GPC6: variants seen among roughly 807,000 people sequenced by gnomAD.
GPC6 encodes glypican 6.
In GPC6, 14 loss-of-function variants were observed where a neutral mutation model predicts 55.2. That is an observed-to-expected ratio of 0.25 (90% CI 0.17 to 0.40). The LOEUF (loss-of-function observed/expected upper bound fraction) is 0.40, where lower values mean the gene tolerates loss of function less well. GPC6 is among the 10% of genes least tolerant of loss of function. The pLI is 1.00. For missense variants in GPC6, 641 were observed against 708.5 expected, an observed-to-expected ratio of 0.90 and a Z score of 1.08; for synonymous variants, 278 against 259.6, an observed-to-expected ratio of 1.07 and a Z score of -0.68.
chr13:94,211,082 G>A (rs569077523), intron 4 of GPC6, among the ~76,000 whole-genome samples: 1 of 152,248 alleles, frequency 6.6e-6, no homozygotes, highest in African/African-American at 2.4e-5. Flanking sequence ...TACCACTGAT[G>A]TTCAACTTTC....
chr13:93,984,657 G>A (rs1880947408), intron 3 of GPC6, among the ~76,000 whole-genome samples: 1 of 152,120 alleles, frequency 6.6e-6, no homozygotes. Context: ...TTTCATTTTT[G>A]TTAAAGAATC....
At chr13:94,171,066 T>G (rs979442027) in intron 4 of GPC6, among the ~76,000 whole-genome samples, 3 of 152,224 alleles carry the variant, frequency 2.0e-5, no homozygotes, top group Non-Finnish European at 4.4e-5. Flanking sequence ...TTTCATTGTC[T>G]TTGATTCTTT....
In GPC6 at chr13:93,428,727, T is replaced by G. The variant is rs536112344; in HGVS notation, c.161-116536T>G. ...CTTCTGAGATGCCCAAGGAATCTTATGGAGAGAGGAATGTTATCAGGTGTT... is the reference window on the plus strand; with the variant it reads ...CTTCTGAGATGCCCAAGGAATCTTAGGGAGAGAGGAATGTTATCAGGTGTT... On this transcript the variant is annotated intron_variant, in intron 1 of 8. Coordinates refer to ENST00000377047, the MANE Select transcript of GPC6 (RefSeq NM_005708.5). Among the ~76,000 whole-genome samples, 4 of 152,292 alleles carry G rather than the reference T, an allele frequency of 2.6e-5. No homozygotes were observed. In the East Asian group the frequency reaches 7.7e-4, roughly 29 times the overall value.
intron 1 of GPC6, among the ~76,000 whole-genome samples, chr13:93,308,842 A>T (rs1455332529): frequency 6.6e-6 from 1 of 152,214 alleles, no homozygotes; most frequent in Non-Finnish European, 1.5e-5. Context: ...AAGAAAGCAA[A>T]CTGCAACAAT....
At chr13:94,117,332 C>A (rs1258193208) in intron 4 of GPC6, among the ~76,000 whole-genome samples, 3 of 152,022 alleles carry the variant, frequency 2.0e-5, no homozygotes, top group African/African-American at 7.2e-5. Context: ...AATTCTATGT[C>A]ATTAACAAAT....
chr13:94,098,542 G>C (rs946195523), intron 4 of GPC6, among the ~76,000 whole-genome samples: 1 of 152,166 alleles, frequency 6.6e-6, no homozygotes, highest in African/African-American at 2.4e-5. Context: ...CAGGGACCCA[G>C]CTTGTTGGGA....
chr13:93,839,700 G>T (rs982757068), intron 3 of GPC6, among the ~76,000 whole-genome samples: 1 of 151,950 alleles, frequency 6.6e-6, no homozygotes, highest in African/African-American at 2.4e-5. Flanking sequence ...TTATTGTCCC[G>T]TCTTCAGAGA....
chr13:93,974,832 C>A (rs1014006204), intron 3 of GPC6, among the ~76,000 whole-genome samples: 1 of 152,092 alleles, frequency 6.6e-6, no homozygotes, highest in South Asian at 2.1e-4. Context: ...AATTCACATG[C>A]ATTTTTCTCC....
chr13:94,361,425 G>T (rs1377518425), intron 6 of GPC6, among the ~76,000 whole-genome samples: 2 of 152,220 alleles, frequency 1.3e-5, no homozygotes, highest in Non-Finnish European at 2.9e-5. Context: ...TTACGTAGCT[G>T]ATCCTGAGGA....
At chr13:94,048,488 C>T (rs542013922) in intron 4 of GPC6, among the ~76,000 whole-genome samples, 2 of 151,850 alleles carry the variant, frequency 1.3e-5, no homozygotes, top group Non-Finnish European at 2.9e-5. Context: ...GAGCAGTGGG[C>T]GCCATTTGCT....
At chr13:93,549,865 A>T (rs9516253) in intron 2 of GPC6, among the ~76,000 whole-genome samples, 27,100 of 152,152 alleles carry the variant, frequency 0.18, 2,777 homozygotes, top group East Asian at 0.3. Context: ...ACTAAGAATG[A>T]TGAATCCAAG....
chr13:93,712,218 A>G (rs962001768), intron 2 of GPC6, among the ~76,000 whole-genome samples: 3 of 151,898 alleles, frequency 2.0e-5, no homozygotes, highest in Admixed American at 2.0e-4. Flanking sequence ...TTTGCTCACC[A>G]AGTTGACACT....
intron 6 of GPC6, among the ~76,000 whole-genome samples, chr13:94,343,738 C>CT (rs927357684): frequency 2.3e-4 from 35 of 151,598 alleles, no homozygotes; most frequent in Admixed American, 7.2e-4. Context: ...TTGTTGTTAA[C>CT]TTTTTTTTTG....
intron 6 of GPC6, among the ~76,000 whole-genome samples, chr13:94,314,783 A>G (rs1261986609): frequency 6.6e-6 from 1 of 152,252 alleles, no homozygotes; most frequent in Non-Finnish European, 1.5e-5. Flanking sequence ...ATATTTCATA[A>G]ATACCAGTTT....
chr13:93,639,772 T>A (rs1927683), intron 2 of GPC6, among the ~76,000 whole-genome samples: 126,207 of 152,078 alleles, frequency 0.83, 53,290 homozygotes, highest in Non-Finnish European at 0.91. Flanking sequence ...TATCCCAGGG[T>A]TCTCTAAGCC....
intron 1 of GPC6, among the ~76,000 whole-genome samples, chr13:93,423,803 A>G (rs915308714): frequency 1.3e-5 from 2 of 152,086 alleles, no homozygotes; most frequent in Non-Finnish European, 1.5e-5. Flanking sequence ...AGTTAAATCA[A>G]TAGAAAGTGC....
At chr13:93,527,242 A>T (rs571472277) in intron 1 of GPC6, among the ~76,000 whole-genome samples, 1 of 152,098 alleles carries the variant, frequency 6.6e-6, no homozygotes, top group East Asian at 1.9e-4. Flanking sequence ...AGCACCTAAC[A>T]TCTATCTCAG....
At chr13:93,487,916 G>A (rs1298864925) in intron 1 of GPC6, among the ~76,000 whole-genome samples, 1 of 152,046 alleles carries the variant, frequency 6.6e-6, no homozygotes, top group Non-Finnish European at 1.5e-5. Flanking sequence ...GCATTTACAA[G>A]TTAAACAATA....
At chr13:94,173,354 GA>G (rs1888638465) in intron 4 of GPC6, among the ~76,000 whole-genome samples, 1 of 152,144 alleles carries the variant, frequency 6.6e-6, no homozygotes, top group Non-Finnish European at 1.5e-5. Flanking sequence ...GGTACAGTTC[GA>G]ACCAAGGATA....
Sources: gnomAD v4.1 joint callset for allele counts (sites outside exome capture counted in the v4.1 genomes callset) on GRCh38, gnomAD v4.1.1 for gene constraint, MANE v1.5 for transcripts, NCBI Gene and HGNC (gene_info 2026-07-23, HGNC 2026-07-21) for gene names.